Variants in FSTL4 observed in about 807,000 individuals in gnomAD.
FSTL4 encodes the protein follistatin like 4.
FSTL4 carries 28 observed loss-of-function variants against 78.2 expected under a neutral mutation model. The observed-to-expected ratio is 0.36, with a 90% CI of 0.27 to 0.49. The LOEUF is 0.49. Ranked by LOEUF, FSTL4 falls within the 20% of genes least tolerant of loss-of-function variation. The probability of loss-of-function intolerance (pLI) is 0.98; values close to 1 mark genes in which losing one functional copy is unlikely to be tolerated. For synonymous variants in FSTL4, 422 were observed against 440.5 expected (o/e 0.96, Z 0.53); for missense variants, 922 against 1,084.9 (o/e 0.85, Z 2.11).
At chr5:133,491,569 T>G (rs1758268446) in intron 3 of FSTL4, among the ~76,000 whole-genome samples, 1 of 151,318 alleles carries the variant, frequency 6.6e-6, no homozygotes, top group South Asian at 2.1e-4. Flanking sequence ...CTGGCTAATT[T>G]TTTTGTATTT....
At chr5:133,792,255 C>T in the FSTL4 span, among the ~76,000 whole-genome samples, 1 of 152,170 alleles carries the variant, frequency 6.6e-6, no homozygotes, top group African/African-American at 2.4e-5. Context: ...TTAGGACTGC[C>T]CCTCCCAGCC....
the FSTL4 span, among the ~76,000 whole-genome samples, chr5:133,754,004 C>T: frequency 6.6e-6 from 1 of 152,130 alleles, no homozygotes; most frequent in Admixed American, 6.6e-5. Context: ...AGCATAATGA[C>T]TAATAGTGGG....
the FSTL4 span, among the ~76,000 whole-genome samples, chr5:133,807,606 T>C: frequency 1.3e-5 from 2 of 152,202 alleles, no homozygotes; most frequent in African/African-American, 4.8e-5. Context: ...TCAGTGAGGA[T>C]GCTCTGTAAC....
chr5:133,683,805 AAAGGC>A, the FSTL4 span, among the ~76,000 whole-genome samples: 1 of 152,348 alleles, frequency 6.6e-6, no homozygotes, highest in East Asian at 1.9e-4. Flanking sequence ...TCAAATGCAG[AAAGGC>A]AAGGCACCTG....
the FSTL4 span, among the ~76,000 whole-genome samples, chr5:133,771,668 A>G: frequency 6.6e-6 from 1 of 152,210 alleles, no homozygotes; most frequent in East Asian, 1.9e-4. Flanking sequence ...ATGTAACATC[A>G]TATCATCAAT....
At chr5:133,754,867 T>C in the FSTL4 span, among the ~76,000 whole-genome samples, 1 of 152,032 alleles carries the variant, frequency 6.6e-6, no homozygotes, top group Non-Finnish European at 1.5e-5. Flanking sequence ...TTTCCAGCCA[T>C]CCCTCCCACC....
chr5:133,338,130 G>A lies in FSTL4; in HGVS notation c.410-21478C>T, dbSNP rs1580630354. On this transcript the variant is annotated intron_variant, in intron 4 of 15. Coordinates refer to ENST00000265342, the MANE Select transcript of FSTL4 (RefSeq NM_015082.2). The surrounding 1 kb of genome is among the most constrained non-coding windows in gnomAD (Gnocchi z 4.0). ...CACATAGGTCTCCCAGGTCACCCAT[G>A]GGGAGATGTCTGATTGGCAGGTGTA... is the stretch of plus-strand genomic sequence containing the variant. Among the ~76,000 whole-genome samples the A allele has an allele frequency of 6.6e-6, 1 of 152,194 alleles. No individual in the cohort carries two copies. Among genetic ancestry groups the A allele is most frequent in the East Asian group, 1.9e-4 (1 of 5,192 alleles).
At position 133,322,767 on chromosome 5, in the gene FSTL4, C is replaced by T. The variant is rs191476037; in HGVS notation, c.410-6115G>A. ...TGAGGACTGAGTCCACGCCTGAGAC[C>T]GGAAAATGTCCTCAGGCTGAAGCTG... is the stretch of plus-strand genomic sequence containing the variant. On this transcript the variant is annotated intron_variant, in intron 4 of 15. Coordinates refer to ENST00000265342, the MANE Select transcript of FSTL4 (RefSeq NM_015082.2). Among the ~76,000 whole-genome samples the T allele has an allele frequency of 3.3e-3, 500 of 152,302 alleles. 12 individuals are homozygous for T. The highest frequency in any genetic ancestry group is 0.03 in the Admixed American group (457 of 15,300).
intron 6 of FSTL4, among the ~76,000 whole-genome samples, chr5:133,301,134 G>A (rs527654055): frequency 1.3e-5 from 2 of 152,300 alleles, no homozygotes; most frequent in East Asian, 1.9e-4. Flanking sequence ...GAGAGGGTCT[G>A]TCTCACTGAG....
At chr5:133,799,395 C>T in the FSTL4 span, among the ~76,000 whole-genome samples, 5 of 138,550 alleles carry the variant, frequency 3.6e-5, 2 homozygotes, top group Non-Finnish European at 6.5e-5. Context: ...AAGCATCCCA[C>T]GGTGCTCAGA....
the FSTL4 span, among the ~76,000 whole-genome samples, chr5:133,625,699 G>A: frequency 9.3e-6 from 1 of 107,438 alleles, no homozygotes. Context: ...CTTGAGGTGT[G>A]AGCTAAGATT....
intron 3 of FSTL4, among the ~76,000 whole-genome samples, chr5:133,445,023 C>T (rs1757233824): frequency 6.6e-6 from 1 of 152,238 alleles, no homozygotes; most frequent in Non-Finnish European, 1.5e-5. Context: ...GAAACACACA[C>T]CTTGTAGCCA....
At chr5:133,400,634 A>G in intron 4 of FSTL4, 104 bp downstream of exon 4, 1 of 1,047,756 alleles carries the variant, frequency 9.5e-7, no homozygotes, top group Non-Finnish European at 1.4e-6. Flanking sequence ...TTTATTTCCT[A>G]AACATATGTA....
At chr5:133,284,347 C>G (rs1753079577) in intron 6 of FSTL4, among the ~76,000 whole-genome samples, 1 of 152,188 alleles carries the variant, frequency 6.6e-6, no homozygotes, top group Non-Finnish European at 1.5e-5. Context: ...TAGAGTGAGT[C>G]AAGTCATTAA....
At chr5:133,795,910 G>A in the FSTL4 span, among the ~76,000 whole-genome samples, 9 of 152,206 alleles carry the variant, frequency 5.9e-5, no homozygotes, top group African/African-American at 2.2e-4. Context: ...CCTGCGTGGG[G>A]AGGAGGTCAC....
chr5:133,745,559 G>T, the FSTL4 span, among the ~76,000 whole-genome samples: 2 of 152,214 alleles, frequency 1.3e-5, no homozygotes, highest in African/African-American at 4.8e-5. Context: ...AAGTATAGCA[G>T]GTGGGCTGAA....
chr5:133,351,178 G>C (rs1281046280), intron 4 of FSTL4, among the ~76,000 whole-genome samples: 1 of 152,036 alleles, frequency 6.6e-6, no homozygotes, highest in East Asian at 1.9e-4. Context: ...TTATTCCATT[G>C]TGTTCTGGCA....
chr5:133,570,692 C>A (rs2112947391), intron 2 of FSTL4, among the ~76,000 whole-genome samples: 1 of 152,230 alleles, frequency 6.6e-6, no homozygotes, highest in South Asian at 2.1e-4. Flanking sequence ...TGAGACTAAT[C>A]CTTCTGCTAT....
At chr5:133,270,609 C>T (rs1489717053) in intron 6 of FSTL4, among the ~76,000 whole-genome samples, 3 of 152,234 alleles carry the variant, frequency 2.0e-5, no homozygotes, top group East Asian at 3.8e-4. Context: ...TCCTTGTTGG[C>T]TCAGTCCTGT....
Sources: gnomAD v4.1 joint callset for allele counts (sites outside exome capture counted in the v4.1 genomes callset) on GRCh38, gnomAD v4.1.1 for gene constraint, Gnocchi (gnomAD v3.1) non-coding constraint, MANE v1.5 for transcripts, NCBI Gene and HGNC (gene_info 2026-07-23, HGNC 2026-07-21) for gene names.